Variants in STRN3 observed in about 807,000 individuals in gnomAD.
The protein encoded by STRN3 is striatin 3, also known as striatin-3.
Under a neutral mutation model 95.6 loss-of-function variants are expected in STRN3, and 29 were observed. The ratio of observed to expected loss-of-function variants is 0.30; its 90% CI spans 0.23 to 0.41. The LOEUF (loss-of-function observed/expected upper bound fraction) is 0.41. Ranked by LOEUF, STRN3 falls within the 10% of genes least tolerant of loss-of-function variation. STRN3 has a pLI of 1.00. For synonymous variants in STRN3, 331 were observed against 357.6 expected, an observed-to-expected ratio of 0.93 and a Z score of 0.84; for missense variants, 890 against 972.1, an observed-to-expected ratio of 0.92 and a Z score of 1.12.
At chr14:30,957,452 C>CA (rs1307806856) in intron 1 of STRN3, among the ~76,000 whole-genome samples, 6 of 62,586 alleles carry the variant, frequency 9.6e-5, no homozygotes, top group Non-Finnish European at 1.3e-4. Flanking sequence ...GACTCCATTT[C>CA]AAAAAAAAAA....
At chr14:30,900,575 T>C (rs141861778) in intron 16 of STRN3, among the ~76,000 whole-genome samples, 4 of 150,642 alleles carry the variant, frequency 2.7e-5, no homozygotes, top group Admixed American at 6.6e-5. Flanking sequence ...TTGGTGAAAA[T>C]ACAAAAATTA....
chr14:30,929,973 A>AAAAAAAAAAAAAAAAAC (rs1878443131), intron 7 of STRN3, among the ~76,000 whole-genome samples: 1 of 149,816 alleles, frequency 6.7e-6, no homozygotes, highest in Non-Finnish European at 1.5e-5. Context: ...AAAAAAAAAA[A>AAAAAAAAAAAAAAAAAC]AAAAAACTCA....
At chr14:30,924,815 C>T (rs1331663389) in intron 8 of STRN3, among the ~76,000 whole-genome samples, 2 of 152,106 alleles carry the variant, frequency 1.3e-5, no homozygotes, top group Non-Finnish European at 2.9e-5. Flanking sequence ...TGCTACTGTA[C>T]TCCATCCGAG....
intron 1 of STRN3, among the ~76,000 whole-genome samples, chr14:30,980,788 A>G (rs565160045): frequency 2.2e-4 from 34 of 152,308 alleles, no homozygotes; most frequent in African/African-American, 7.7e-4. Context: ...TTTCTTTAAA[A>G]AAATTTTTTT....
intron 1 of STRN3, among the ~76,000 whole-genome samples, chr14:30,976,154 AG>A (rs148643641): frequency 0.033 from 5,025 of 152,322 alleles, 292 homozygotes; most frequent in African/African-American, 0.11. Context: ...AATGCCAGAC[AG>A]GTTGCCTACA....
intron 1 of STRN3, among the ~76,000 whole-genome samples, chr14:30,979,904 A>C (rs1416934938): frequency 6.6e-6 from 1 of 151,794 alleles, no homozygotes; most frequent in Non-Finnish European, 1.5e-5. Flanking sequence ...CTGGCGGGAC[A>C]TTTTATATAT....
chr14:31,011,435 A>G (rs890013816), intron 1 of STRN3, among the ~76,000 whole-genome samples: 1 of 152,302 alleles, frequency 6.6e-6, no homozygotes, highest in Non-Finnish European at 1.5e-5. Context: ...GAAGGACAGG[A>G]GTTCGAGACC....
intron 1 of STRN3, among the ~76,000 whole-genome samples, chr14:31,019,447 T>C (rs1236470593): frequency 6.6e-6 from 1 of 152,206 alleles, no homozygotes; most frequent in Non-Finnish European, 1.5e-5. Flanking sequence ...CAATACTATA[T>C]TATTTTCTTA....
At chr14:30,912,269 T>A in intron 10 of STRN3, 87 bp from the exon 11 acceptor site, 1 of 1,269,424 alleles carries the variant, frequency 7.9e-7, no homozygotes. Flanking sequence ...TTGGTGTGTT[T>A]AACACATATA....
At chr14:31,014,775 C>CT (rs772182416) in intron 1 of STRN3, 5 of 432,124 alleles carry the variant, frequency 1.2e-5, no homozygotes, top group Admixed American at 6.6e-5. Context: ...CTTTTTTAAC[C>CT]TTTTTTTCTT....
intron 1 of STRN3, among the ~76,000 whole-genome samples, chr14:30,977,315 CA>C (rs1327763696): frequency 1.3e-5 from 2 of 151,626 alleles, no homozygotes; most frequent in African/African-American, 2.4e-5. Context: ...GCATTATAAA[CA>C]AAAGAAATAA....
At chr14:30,951,988 C>T (rs1044697790) in intron 3 of STRN3, among the ~76,000 whole-genome samples, 3 of 152,078 alleles carry the variant, frequency 2.0e-5, no homozygotes, top group African/African-American at 7.2e-5. Context: ...TATGGCGGCA[C>T]ATGCCTGTAA....
rs149107974 is a variant in STRN3 at position 31,022,298 on chromosome 14, T to C, written c.282+3606A>G. Among the ~76,000 whole-genome samples the C allele has an allele frequency of 1.8e-3, 274 of 150,534 alleles. 5 individuals are homozygous for C. In the East Asian group the frequency reaches 0.032, roughly 17 times the overall value. ...GGGAGGCTGAGGCAGGAGAATGCCG[T>C]GAACCTGGGAGGCAGAGCTTGCAGT... On this transcript the variant is annotated intron_variant, in intron 1 of 17. Coordinates refer to ENST00000357479, the MANE Select transcript of STRN3 (RefSeq NM_001083893.2).
At chr14:30,960,392 G>C (rs561915307) in intron 1 of STRN3, among the ~76,000 whole-genome samples, 2 of 152,096 alleles carry the variant, frequency 1.3e-5, no homozygotes, top group African/African-American at 2.4e-5. Flanking sequence ...TAACACTGCA[G>C]CAATTAAGAC....
In STRN3 at chr14:30,902,858, A is replaced by T. The variant is rs181326311; in HGVS notation, c.2030-215T>A. ...CTATAATATAGACTGTACTAGGCTC[A>T]AATTTAGAAAAACTGAGAAGTGTTT... On this transcript the variant is annotated intron_variant, in intron 15 of 17. Coordinates refer to ENST00000357479, the MANE Select transcript of STRN3 (RefSeq NM_001083893.2). Among the ~76,000 whole-genome samples the T allele has an allele frequency of 5.9e-5, 9 of 152,310 alleles. No homozygotes were observed. In the East Asian group the frequency reaches 1.7e-3, roughly 29 times the overall value.
chr14:31,023,605 CATA>C (rs1883615643), intron 1 of STRN3, among the ~76,000 whole-genome samples: 1 of 152,054 alleles, frequency 6.6e-6, no homozygotes, highest in Admixed American at 6.6e-5. Context: ...GGAGACTGTA[CATA>C]ATAATATGTA....
At chr14:30,952,757 TC>T (rs2139132335) in intron 3 of STRN3, among the ~76,000 whole-genome samples, 1 of 152,294 alleles carries the variant, frequency 6.6e-6, no homozygotes, top group African/African-American at 2.4e-5. Flanking sequence ...TTCTTTTATT[TC>T]CAGAAATAAT....
chr14:30,978,723 G>A (rs1282959286), intron 1 of STRN3, among the ~76,000 whole-genome samples: 1 of 152,076 alleles, frequency 6.6e-6, no homozygotes, highest in Admixed American at 6.6e-5. Flanking sequence ...TCAATAAAAA[G>A]AACCCTGGAT....
intron 1 of STRN3, among the ~76,000 whole-genome samples, chr14:30,996,734 T>C (rs1193035186): frequency 1.3e-5 from 2 of 151,966 alleles, no homozygotes; most frequent in Admixed American, 6.6e-5. Context: ...GGTGTGGTGG[T>C]GTGCACCTGT....
Sources: allele counts gnomAD v4.1 joint callset (sites outside exome capture counted in the v4.1 genomes callset), GRCh38; gene constraint gnomAD v4.1.1; transcripts MANE v1.5; gene names NCBI Gene and HGNC (gene_info 2026-07-23, HGNC 2026-07-21).